ENOSF1: variants seen among roughly 807,000 people sequenced by gnomAD.
ENOSF1 encodes the protein enolase superfamily member 1.
Under a neutral mutation model 68.2 loss-of-function variants are expected in ENOSF1, and 73 were observed. That is an observed-to-expected ratio of 1.07 (90% CI 0.89 to 1.30). The LOEUF is 1.30. Ranked by LOEUF, ENOSF1 falls within the 50% of genes most tolerant of loss-of-function variation. ENOSF1 has a pLI of 0.00. For synonymous variants in ENOSF1, 223 were observed against 210.4 expected (o/e 1.06, Z -0.52); for missense variants, 589 against 554.5 (o/e 1.06, Z -0.62).
At chr18:695,897 T>C (rs889405527) in intron 3 of ENOSF1, among the ~76,000 whole-genome samples, 1 of 152,232 alleles carries the variant, frequency 6.6e-6, no homozygotes, top group Non-Finnish European at 1.5e-5. Flanking sequence ...ATATTCTCTG[T>C]ATAAAGTAAA....
intron 2 of ENOSF1, among the ~76,000 whole-genome samples, chr18:704,353 C>T (rs1401081970): frequency 5.6e-5 from 8 of 143,270 alleles, no homozygotes; most frequent in African/African-American, 1.6e-4. Flanking sequence ...TGCTTGAACC[C>T]GGGAGGTGGA....
chr18:712,367 T>G (rs1157104946), intron 1 of ENOSF1, 137 bp downstream of exon 1: 10 of 1,414,846 alleles, frequency 7.1e-6, no homozygotes, highest in African/African-American at 1.9e-5. Flanking sequence ...TACCATGGCG[T>G]CCGCGCTTAC....
rs2075140737 is a variant in ENOSF1 at position 673,077 on chromosome 18, C to G, written c.*1228G>C. ...TGCCGAGGTAAAAGTTCTTTTTGCT[C>G]TAAAAGAAAAAGGAACTAGGTCAAA... is the stretch of plus-strand genomic sequence containing the variant. On this transcript the variant is annotated 3_prime_UTR_variant, in exon 16 of 16. Transcript: ENST00000647584. 2 of 1,409,310 alleles carry G rather than the reference C, an allele frequency of 1.4e-6. No individual in the cohort carries two copies. The highest frequency in any genetic ancestry group is 1.9e-6 in the Non-Finnish European group (2 of 1,061,366). 87.3% of individuals were successfully genotyped at this position (1,409,310 alleles called of 1,614,324 possible).
In ENOSF1 at chr18:712,564, C is replaced by G. The variant is rs1793063314; in HGVS notation, c.24G>C (p.Arg8=). Reference sequence around the variant, plus strand: ...GGAAGCGCACGTCCCGGACCGAGAGCCGGGAGATCCTGCCGCGCACCATGG... The same window carrying G: ...GGAAGCGCACGTCCCGGACCGAGAGGCGGGAGATCCTGCCGCGCACCATGG... MVRGRIS[R]LSVRDVRFPT... The change falls in exon 1 of 16, where the codon CGG becomes CGC. Residue 8 remains arginine, a synonymous_variant. Coordinates refer to ENST00000647584, the MANE Select transcript of ENOSF1 (RefSeq NM_017512.7). 6.5e-7 allele frequency: 1 copy of G among 1,539,258 alleles called. No individual in the cohort carries two copies. The highest frequency in any genetic ancestry group is 8.7e-7 in the Non-Finnish European group (1 of 1,146,214).
chr18:712,588 G>A lies in ENOSF1; in HGVS notation c.-1C>T, dbSNP rs2079730303. On this transcript the variant is annotated 5_prime_UTR_variant, in exon 1 of 16. Coordinates refer to ENST00000647584, the MANE Select transcript of ENOSF1 (RefSeq NM_017512.7). ...GCCGGGAGATCCTGCCGCGCACCATGGCCCCTGCGCCCCGTGGCCGCGGCC... is the reference window on the plus strand; with the variant it reads ...GCCGGGAGATCCTGCCGCGCACCATAGCCCCTGCGCCCCGTGGCCGCGGCC... 7 of 1,534,530 alleles carry A rather than the reference G, an allele frequency of 4.6e-6. No homozygotes were observed. Among genetic ancestry groups the A allele is most frequent in the Admixed American group, 2.0e-5 (1 of 50,826 alleles).
At chr18:698,777 T>C (rs1025980664) in intron 2 of ENOSF1, among the ~76,000 whole-genome samples, 5 of 152,102 alleles carry the variant, frequency 3.3e-5, no homozygotes, top group South Asian at 2.1e-4. Context: ...TGAGCTGCCA[T>C]GCCCAGCTAA....
Position 693,209 on chromosome 18 carries a change from T to G in ENOSF1, c.423+673A>C, listed in dbSNP as rs755922122. ...AAAAGGTCAAGGAGAAAGAAAACAG[T>G]CAAGTGCATAGCTTTAGAATTCAGT... is the stretch of plus-strand genomic sequence containing the variant. On this transcript the variant is annotated intron_variant, in intron 5 of 15. Transcript: ENST00000647584. 2.9e-5 allele frequency: 37 copies of G among 1,289,044 alleles called. 1 individual carries two copies. Among genetic ancestry groups the G allele is most frequent in the Non-Finnish European group, 3.7e-5 (37 of 988,704 alleles). The allele number at this position is 1,289,044 out of a possible 1,614,324, so 79.9% of individuals were successfully genotyped here.
downstream of ENOSF1, chr18:669,587 G>A (rs181269053): frequency 9.1e-4 from 152 of 166,294 alleles, no homozygotes; most frequent in Middle Eastern, 3.1e-3. Context: ...GGTCAGGCTG[G>A]TCTTGAACTC....
chr18:689,070 T>A lies in ENOSF1; in HGVS notation c.619-462A>T, dbSNP rs116550439. On this transcript the variant is annotated intron_variant, in intron 8 of 15. Coordinates refer to ENST00000647584, the MANE Select transcript of ENOSF1 (RefSeq NM_017512.7). The stretch of plus-strand genomic sequence containing the variant: ...TGAGCATGACGCAACTTACAGCATG[T>A]ATCTGAATCCTCAAAACCACCCCAT... 2.1e-3 allele frequency among the ~76,000 whole-genome samples: 322 copies of A among 152,228 alleles called. 1 individual carries two copies. Among genetic ancestry groups the A allele is most frequent in the African/African-American group, 7.5e-3 (311 of 41,540 alleles).
chr18:677,760 A>G lies in ENOSF1; in HGVS notation c.1031T>C (p.Met344Thr), dbSNP rs763002886. The change falls in exon 13 of 16, where the codon ATG (methionine) becomes ACG (threonine). Residue 344 changes from methionine (M) to threonine (T), a missense_variant. Physicochemically the swap from Met to Thr is moderately conservative, Grantham distance 81. Coordinates refer to ENST00000647584, the MANE Select transcript of ENOSF1 (RefSeq NM_017512.7). The part of the protein sequence containing the change: ...SVNENLSVLL[M>T]AKKFEIPVCP... ...ACGCTTACTTTCAAACTTTTTGGCCATCAGCAATACTGAGAGGTTCTCATT... is the reference window on the plus strand; with the variant it reads ...ACGCTTACTTTCAAACTTTTTGGCCGTCAGCAATACTGAGAGGTTCTCATT... The G allele has an allele frequency of 8.7e-6, 14 of 1,612,814 alleles. No individual in the cohort carries two copies. The highest frequency in any genetic ancestry group is 8.5e-7 in the Non-Finnish European group (1 of 1,179,702).
chr18:680,674 G>GTTTTTTT (rs2075983812), intron 11 of ENOSF1, among the ~76,000 whole-genome samples: 1 of 115,074 alleles, frequency 8.7e-6, no homozygotes, highest in African/African-American at 3.6e-5. Flanking sequence ...CTATGCTGTT[G>GTTTTTTT]TGTTTTTTTT....
At chr18:683,080 T>C (rs1285869047) in intron 11 of ENOSF1, 166 bp downstream of exon 11, 2 of 782,934 alleles carry the variant, frequency 2.6e-6, no homozygotes, top group African/African-American at 3.5e-5. Context: ...GAAAAAGGAA[T>C]GTCAGGTCTG....
chr18:688,521 C>G (rs915979250), intron 9 of ENOSF1, 53 bp downstream of exon 9: 2 of 1,612,720 alleles, frequency 1.2e-6, no homozygotes, highest in Admixed American at 1.7e-5. Context: ...AGACTTACTG[C>G]CTGAGTCTCT....
At position 671,023 on chromosome 18, in the gene ENOSF1, C is replaced by T; in HGVS notation, c.*3282G>A. ...GAACCAGCTTTTACTTTGAAACCTT[C>T]CTCTTCTGGAAGGTTTTCTGGCCCT... On this transcript the variant is annotated 3_prime_UTR_variant, in exon 16 of 16. Coordinates refer to ENST00000647584, the MANE Select transcript of ENOSF1 (RefSeq NM_017512.7). 1.1e-6 allele frequency: 1 copy of T among 932,836 alleles called. No homozygotes were observed. The highest frequency in any genetic ancestry group is 1.7e-5 in the South Asian group (1 of 57,390). 57.8% of individuals were successfully genotyped at this position (932,836 alleles called of 1,614,324 possible). A position where few individuals can be genotyped will look rare whatever the true frequency, so the allele number is the denominator to read the frequency against.
intron 13 of ENOSF1, 104 bp downstream of exon 13, chr18:677,639 G>A: frequency 6.9e-7 from 1 of 1,458,372 alleles, no homozygotes; most frequent in Non-Finnish European, 9.2e-7. Flanking sequence ...AAATCGAAAT[G>A]GCAAACTACA....
rs1379687060 is a variant in ENOSF1 at position 706,535 on chromosome 18, G to C, written c.128C>G (p.Thr43Ser). The change falls in exon 2 of 16, where the codon ACT (threonine) becomes AGT (serine). Residue 43 changes from threonine (T) to serine (S), a missense_variant. Transcript: ENST00000647584. Reference protein sequence around the residue: ...DYSAAYVVIETDAEDGIKGCG... With the variant: ...DYSAAYVVIESDAEDGIKGCG... ...CCCCTTGATTCCATCTTCTGCATCA[G>C]TTTCTATGACGACATAGGCAGCCGA... is the stretch of plus-strand genomic sequence containing the variant. 2 of 1,613,782 alleles carry C rather than the reference G, an allele frequency of 1.2e-6. No individual in the cohort carries two copies. The highest frequency in any genetic ancestry group is 3.3e-5 in the Admixed American group (2 of 59,944).
intron 14 of ENOSF1, chr18:675,652 G>A (rs2075421362): frequency 6.3e-6 from 3 of 479,266 alleles, no homozygotes; most frequent in Admixed American, 3.4e-5. Context: ...GTTTTGTGGT[G>A]CCCTTTAAAA....
intron 3 of ENOSF1, among the ~76,000 whole-genome samples, chr18:694,926 C>A (rs2077569680): frequency 6.6e-6 from 1 of 152,072 alleles, no homozygotes; most frequent in Admixed American, 6.6e-5. Context: ...GCTCTCTTAA[C>A]CCTAAATACA....
intron 11 of ENOSF1, among the ~76,000 whole-genome samples, chr18:681,400 G>A (rs191064360): frequency 6.6e-6 from 1 of 152,334 alleles, no homozygotes; most frequent in East Asian, 1.9e-4. Context: ...GAGGGTTAGA[G>A]CCCTGAGGAG....
Sources: gnomAD v4.1 joint callset for allele counts (sites outside exome capture counted in the v4.1 genomes callset) on GRCh38, gnomAD v4.1.1 for gene constraint, MANE v1.5 for transcripts, NCBI Gene and HGNC (gene_info 2026-07-23, HGNC 2026-07-21) for gene names.